Variants in POU2F1 observed in about 807,000 individuals in gnomAD.
POU2F1 encodes the protein POU domain, class 2, transcription factor 1.
In POU2F1, 16 loss-of-function variants were observed where a neutral mutation model predicts 84.9. The ratio of observed to expected loss-of-function variants is 0.19; its 90% CI spans 0.13 to 0.29. The LOEUF is 0.29. Ranked by LOEUF, POU2F1 falls within the 10% of genes least tolerant of loss-of-function variation. POU2F1 has a pLI of 1.00. For missense variants in POU2F1, 738 were observed against 942.6 expected (o/e 0.78, Z 2.84); for synonymous variants, 368 against 368.3 (o/e 1.00, Z 0.01).
At chr1:167,271,158 C>T (rs1226544335) in intron 1 of POU2F1, among the ~76,000 whole-genome samples, 1 of 151,990 alleles carries the variant, frequency 6.6e-6, no homozygotes, top group Admixed American at 6.6e-5. Flanking sequence ...AAAACATTTT[C>T]GGTTATTATC....
chr1:167,289,312 G>C (rs571116397), intron 1 of POU2F1, among the ~76,000 whole-genome samples: 1 of 152,198 alleles, frequency 6.6e-6, no homozygotes, highest in Non-Finnish European at 1.5e-5. Flanking sequence ...TAAGGTTGCT[G>C]TACTGAACAT....
chr1:167,365,592 AGT>A, intron 3 of POU2F1, 25 bp downstream of exon 3: 1 of 1,523,014 alleles, frequency 6.6e-7, no homozygotes, highest in Non-Finnish European at 8.9e-7. Context: ...CTCAACCATC[AGT>A]GAGAGTGAAA....
chr1:167,404,444 A>G (rs1444803503), intron 13 of POU2F1, among the ~76,000 whole-genome samples: 2 of 152,176 alleles, frequency 1.3e-5, no homozygotes, highest in African/African-American at 4.8e-5. Context: ...ATTTCAGCCT[A>G]TGAACAGGAA....
chr1:167,352,661 A>G (rs981045611), intron 2 of POU2F1, among the ~76,000 whole-genome samples: 6 of 152,180 alleles, frequency 3.9e-5, no homozygotes, highest in African/African-American at 1.4e-4. Flanking sequence ...AAGGAGCTTG[A>G]TTAGTTCTTT....
rs185477724 is a variant in POU2F1, at chr1:167,325,804, G to T, written c.62-6666G>T. Among the ~76,000 whole-genome samples, 26 of 151,370 alleles carry T rather than the reference G, an allele frequency of 1.7e-4. No homozygotes were observed. In the East Asian group the frequency reaches 4.7e-3, roughly 27 times the overall value. On this transcript the variant is annotated intron_variant, in intron 1 of 15. Coordinates refer to ENST00000367866, the MANE Select transcript of POU2F1 (RefSeq NM_002697.4). The stretch of plus-strand genomic sequence containing the variant: ...CTTGGGAGGCTGAGGCAGGAGAATC[G>T]CTTGAAACTAGAAGGCAGAGGTTGT...
At chr1:167,366,975 G>T (rs1267850417) in intron 3 of POU2F1, among the ~76,000 whole-genome samples, 1 of 152,050 alleles carries the variant, frequency 6.6e-6, no homozygotes, top group Non-Finnish European at 1.5e-5. Flanking sequence ...TTCTCTGCAG[G>T]ATCCTTCTGG....
chr1:167,312,455 C>G (rs1373194339), intron 1 of POU2F1, among the ~76,000 whole-genome samples: 4 of 151,976 alleles, frequency 2.6e-5, no homozygotes, highest in Admixed American at 2.6e-4. Context: ...GTCTCGAACT[C>G]CTGACTTCAA....
chr1:167,391,177 C>G (rs1648371294), intron 9 of POU2F1, among the ~76,000 whole-genome samples: 2 of 152,144 alleles, frequency 1.3e-5, no homozygotes, highest in South Asian at 4.1e-4. Flanking sequence ...TGGCCTCAAT[C>G]AACCCTCCCG....
chr1:167,280,938 C>A (rs1653088989), intron 1 of POU2F1, among the ~76,000 whole-genome samples: 1 of 152,198 alleles, frequency 6.6e-6, no homozygotes, highest in Middle Eastern at 3.4e-3. Flanking sequence ...TTTTAAAGTG[C>A]CTGGTAACAC....
At chr1:167,310,175 T>G (rs1655358419) in intron 1 of POU2F1, among the ~76,000 whole-genome samples, 1 of 152,030 alleles carries the variant, frequency 6.6e-6, no homozygotes, top group African/African-American at 2.4e-5. Flanking sequence ...ATTTAACTCC[T>G]GGACTGTTAG....
intron 2 of POU2F1, among the ~76,000 whole-genome samples, chr1:167,334,034 T>A (rs1320994567): frequency 6.6e-6 from 1 of 151,966 alleles, no homozygotes; most frequent in Non-Finnish European, 1.5e-5. Context: ...AAGCAAATGA[T>A]TGGAAAACAC....
chr1:167,236,072 A>G (rs1267407773), intron 1 of POU2F1, among the ~76,000 whole-genome samples: 1 of 151,282 alleles, frequency 6.6e-6, no homozygotes, highest in Non-Finnish European at 1.5e-5. Flanking sequence ...AAAACACTTC[A>G]TTGCTTTAAT....
In POU2F1 at chr1:167,421,912, T is replaced by C. The variant is rs1571488855; in HGVS notation, c.*6102T>C. On this transcript the variant is annotated 3_prime_UTR_variant, in exon 16 of 16. Transcript: ENST00000367866. ...TTACAATTTATAGGGTTAGGGAGGG[T>C]TGGGTGGGGGAAGAGGAGATGTTGA... 6.8e-6 allele frequency: 1 copy of C among 147,170 alleles called. No individual in the cohort carries two copies. Among genetic ancestry groups the C allele is most frequent in the South Asian group, 2.3e-4 (1 of 4,308 alleles). The allele number at this position is 147,170 out of a possible 1,614,324, so 9.1% of individuals were successfully genotyped here.
At chr1:167,389,503 GCT>G in intron 8 of POU2F1, 83 bp from the exon 9 acceptor site, 1 of 1,437,864 alleles carries the variant, frequency 7.0e-7, no homozygotes, top group African/African-American at 1.4e-5. Context: ...CATAAATGTG[GCT>G]CTTTCCTTCA....
intron 1 of POU2F1, among the ~76,000 whole-genome samples, chr1:167,232,913 A>G (rs541310213): frequency 4.4e-4 from 67 of 152,074 alleles, no homozygotes; most frequent in African/African-American, 1.6e-3. Context: ...TCTCTTATAA[A>G]TTTAGTGTAG....
At chr1:167,221,237 C>T (rs1648123039) in intron 1 of POU2F1, among the ~76,000 whole-genome samples, 1 of 151,280 alleles carries the variant, frequency 6.6e-6, no homozygotes, top group Admixed American at 6.6e-5. Flanking sequence ...CGCCGTCTGC[C>T]CGTCGGCACC....
chr1:167,289,770 C>A (rs1449791152), intron 1 of POU2F1, among the ~76,000 whole-genome samples: 1 of 152,200 alleles, frequency 6.6e-6, no homozygotes, highest in Non-Finnish European at 1.5e-5. Flanking sequence ...AACTCAAACC[C>A]ATTTGAAAAC....
intron 1 of POU2F1, among the ~76,000 whole-genome samples, chr1:167,230,019 T>C (rs1648940445): frequency 2.0e-5 from 3 of 152,360 alleles, no homozygotes; most frequent in South Asian, 2.1e-4. Context: ...CTACCACAAA[T>C]ACAGCATATT....
intron 3 of POU2F1, 57 bp from the exon 4 acceptor site, chr1:167,370,104 A>T: frequency 1.4e-6 from 2 of 1,422,616 alleles, no homozygotes; most frequent in South Asian, 1.3e-5. Flanking sequence ...AGTGATGACA[A>T]CCCCTTGTGA....
Sources: allele counts gnomAD v4.1 joint callset (sites outside exome capture counted in the v4.1 genomes callset), GRCh38; gene constraint gnomAD v4.1.1; transcripts MANE v1.5; gene names NCBI Gene and HGNC (gene_info 2026-07-23, HGNC 2026-07-21).